The following DOCK9 variants were observed in gnomAD, a reference collection of about 807,000 sequenced individuals.
The protein encoded by DOCK9 is dedicator of cytokinesis 9, also known as dedicator of cytokinesis protein 9.
DOCK9 carries 89 observed loss-of-function variants against 263.3 expected under a neutral mutation model. The ratio of observed to expected loss-of-function variants is 0.34; its 90% CI spans 0.28 to 0.40. The LOEUF (loss-of-function observed/expected upper bound fraction) is 0.40. Among genes scored for constraint, DOCK9 ranks in the 10% least tolerant of loss-of-function variants. DOCK9 has a pLI of 1.00. For synonymous variants in DOCK9, 976 were observed against 973.1 expected, an observed-to-expected ratio of 1.00 and a Z score of -0.06; for missense variants, 2,140 against 2,603.4, an observed-to-expected ratio of 0.82 and a Z score of 3.87.
chr13:98,831,436 C>A lies in DOCK9; in HGVS notation c.4547G>T (p.Arg1516Met). The A allele has an allele frequency of 6.2e-7, 1 of 1,600,584 alleles. No individual in the cohort carries two copies. The highest frequency in any genetic ancestry group is 1.3e-5 in the African/African-American group (1 of 74,816). ...GTAGAGCAGCTGGGAGGCCTCCGTCCTGATGGAGCTCAGCTTGGAGTTACA... is the reference window on the plus strand; with the variant it reads ...GTAGAGCAGCTGGGAGGCCTCCGTCATGATGGAGCTCAGCTTGGAGTTACA... ...KCCNSKLSSI[R>M]TEASQLLYFL... Residue 1516 changes from arginine (R) to methionine (M), a missense_variant, in exon 41 of 53, where the codon AGG becomes ATG. This residue lies in a region of DOCK9 where 619 missense variants were observed against 861.8 expected (regional missense o/e 0.72). Transcript: ENST00000682017.
chr13:98,903,133 A>G, intron 10 of DOCK9, 21 bp from the exon 11 acceptor site: 1 of 1,481,574 alleles, frequency 6.7e-7, no homozygotes, highest in Non-Finnish European at 8.9e-7. Context: ...AAATGTAAAC[A>G]TATAAATAAG....
chr13:98,808,276 G>A (rs867233910), intron 47 of DOCK9, among the ~76,000 whole-genome samples: 5 of 152,238 alleles, frequency 3.3e-5, no homozygotes, highest in Middle Eastern at 3.4e-3. Flanking sequence ...GTTAGGTAAA[G>A]CTTGTATAAA....
At chr13:98,981,320 G>C (rs56262648), upstream of DOCK9, among the ~76,000 whole-genome samples, 12,767 of 152,268 alleles carry the variant, frequency 0.084, 664 homozygotes, top group East Asian at 0.2. Flanking sequence ...GCCTCCCAAA[G>C]TGTGGGGATT....
upstream of DOCK9, chr13:99,088,356 G>C (rs2142543106): frequency 6.6e-6 from 1 of 152,354 alleles, no homozygotes; most frequent in South Asian, 2.1e-4. Context: ...GCCTCCCCGG[G>C]GAACGCACTC....
intron 19 of DOCK9, among the ~76,000 whole-genome samples, chr13:98,886,262 A>G (rs2045678262): frequency 6.6e-6 from 1 of 152,242 alleles, no homozygotes; most frequent in Admixed American, 6.5e-5. Flanking sequence ...GATAGGAAAT[A>G]TACCAGAATA....
intron 1 of DOCK9, among the ~76,000 whole-genome samples, chr13:98,975,659 C>T (rs372964489): frequency 6.6e-6 from 1 of 152,284 alleles, no homozygotes; most frequent in South Asian, 2.1e-4. Context: ...CTATACTACA[C>T]GCATTAATTA....
chr13:99,008,185 C>CCTCTCTCTCT (rs370963218), intron 1 of DOCK9, among the ~76,000 whole-genome samples: 31 of 100,988 alleles, frequency 3.1e-4, no homozygotes, highest in South Asian at 1.2e-3. Context: ...TATTGTGCAG[C>CCTCTCTCTCT]CTCTCTCTCT....
At chr13:98,952,380 C>T (rs756672207) in intron 2 of DOCK9, among the ~76,000 whole-genome samples, 3 of 150,702 alleles carry the variant, frequency 2.0e-5, no homozygotes, top group African/African-American at 2.4e-5. Flanking sequence ...GGATTACAGG[C>T]ATGCACCACC....
intron 9 of DOCK9, among the ~76,000 whole-genome samples, chr13:98,905,960 C>T (rs1258750476): frequency 6.6e-6 from 1 of 152,200 alleles, no homozygotes; most frequent in Non-Finnish European, 1.5e-5. Context: ...TCACACCAGC[C>T]TCCCAGTCTC....
At chr13:98,854,079 C>CA (rs1254540224) in intron 34 of DOCK9, among the ~76,000 whole-genome samples, 16 of 152,220 alleles carry the variant, frequency 1.1e-4, no homozygotes, top group African/African-American at 3.9e-4. Flanking sequence ...CCAACCGGGA[C>CA]AAACAGGGAC....
chr13:98,935,929 G>A (rs1295690775), intron 2 of DOCK9, among the ~76,000 whole-genome samples: 1 of 152,138 alleles, frequency 6.6e-6, no homozygotes, highest in African/African-American at 2.4e-5. Context: ...TCTGAGTACA[G>A]CCTCACTGAG....
chr13:98,914,224 T>C, intron 9 of DOCK9, 104 bp downstream of exon 9: 1 of 957,826 alleles, frequency 1.0e-6, no homozygotes, highest in Non-Finnish European at 1.6e-6. Context: ...GTAATCACAA[T>C]GTAATTTTTA....
At chr13:99,062,920 C>T (rs943708940) in intron 1 of DOCK9, among the ~76,000 whole-genome samples, 6 of 152,138 alleles carry the variant, frequency 3.9e-5, no homozygotes, top group African/African-American at 1.2e-4. Flanking sequence ...CCAGGGTCCC[C>T]GAATCTACTC....
chr13:99,011,245 T>C (rs1166747509), intron 1 of DOCK9, among the ~76,000 whole-genome samples: 3 of 152,158 alleles, frequency 2.0e-5, no homozygotes, highest in Non-Finnish European at 4.4e-5. Context: ...TTTAAAGTTA[T>C]TTACATATAT....
chr13:98,960,941 A>C lies in DOCK9; in HGVS notation c.127-5390T>G, dbSNP rs370158333. On this transcript the variant is annotated intron_variant, in intron 1 of 52. Transcript: ENST00000682017. Reference sequence around the variant, plus strand: ...AGAGCCTGGATCTTCTCCCCCTGAAAATTGTATACATTCTTTGCTTTCTAT... The same window carrying C: ...AGAGCCTGGATCTTCTCCCCCTGAACATTGTATACATTCTTTGCTTTCTAT... Among the ~76,000 whole-genome samples, 236 of 152,350 alleles carry C rather than the reference A, an allele frequency of 1.5e-3. 8 individuals carry two copies. The South Asian group carries it at 0.047, about 30-fold the overall frequency.
chr13:99,077,360 A>C (rs2041951058), intron 1 of DOCK9, among the ~76,000 whole-genome samples: 1 of 151,958 alleles, frequency 6.6e-6, no homozygotes, highest in Non-Finnish European at 1.5e-5. Flanking sequence ...TTCTCATGAG[A>C]TCTGGTTGTT....
intron 41 of DOCK9, among the ~76,000 whole-genome samples, chr13:98,830,176 T>C (rs902814595): frequency 6.6e-6 from 1 of 152,230 alleles, no homozygotes; most frequent in African/African-American, 2.4e-5. Context: ...AGAACATGGA[T>C]AGATTAACTA....
At position 98,863,387 on chromosome 13, in the gene DOCK9, C is replaced by T. The variant is rs1482150019; in HGVS notation, c.3448G>A (p.Asp1150Asn). ...KNLLIKHSFD[D>N]RYASRSHQAR... ...CCACTCACCCTTGAAGCATATCTGT[C>T]ATCAAAAGAATGCTTTATCAGCAGG... Residue 1150 changes from aspartate to asparagine, a missense_variant, in exon 31 of 53, where the codon GAC (aspartate) becomes AAC (asparagine). Transcript: ENST00000682017. 4 of 1,613,778 alleles carry T rather than the reference C, an allele frequency of 2.5e-6. No individual in the cohort carries two copies. Among genetic ancestry groups the T allele is most frequent in the Admixed American group, 1.7e-5 (1 of 59,978 alleles).
chr13:99,017,991 T>A (rs1401392599), intron 1 of DOCK9, among the ~76,000 whole-genome samples: 1 of 152,178 alleles, frequency 6.6e-6, no homozygotes, highest in African/African-American at 2.4e-5. Context: ...CTTAAATTTA[T>A]ACAATTTTGC....
Sources: allele counts gnomAD v4.1 joint callset (sites outside exome capture counted in the v4.1 genomes callset), GRCh38; gene constraint gnomAD v4.1.1; regional missense constraint gnomAD v4.1.1; transcripts MANE v1.5; gene names NCBI Gene and HGNC (gene_info 2026-07-23, HGNC 2026-07-21).